The following ACE variants were observed in gnomAD, a reference collection of about 807,000 sequenced individuals.
ACE encodes the protein angiotensin I converting enzyme.
In ACE, 122 loss-of-function variants were observed where a neutral mutation model predicts 162.3. That is an observed-to-expected ratio of 0.75 (90% CI 0.65 to 0.87). The LOEUF is 0.87. Ranked by LOEUF, ACE falls within the 40% of genes least tolerant of loss-of-function variation. ACE has a pLI of 0.00. For missense variants in ACE, 1,799 were observed against 1,735.1 expected (o/e 1.04, Z -0.65); for synonymous variants, 796 against 720.6 (o/e 1.10, Z -1.68).
chr17:63,478,144 C>T (rs1264564349), intron 2 of ACE, 46 bp downstream of exon 2: 1 of 1,550,120 alleles, frequency 6.5e-7, no homozygotes, highest in Non-Finnish European at 8.7e-7. Flanking sequence ...CTCCTAGTGC[C>T]CCATCGTGGG....
intron 4 of ACE, 114 bp from the exon 5 acceptor site, chr17:63,480,223 T>C: frequency 8.4e-7 from 1 of 1,192,100 alleles, no homozygotes; most frequent in Admixed American, 1.9e-5. Flanking sequence ...AAGCCAATTT[T>C]CCAGCTAGCT....
At chr17:63,480,291 T>A (rs761826413) in intron 4 of ACE, 46 bp from the exon 5 acceptor site, 77 of 1,600,176 alleles carry the variant, frequency 4.8e-5, no homozygotes, top group Non-Finnish European at 3.9e-5. Flanking sequence ...GAGGCTGAGG[T>A]CCGAGCCTTT....
At chr17:63,477,848 C>G (rs766058026) in intron 1 of ACE, 83 bp from the exon 2 acceptor site, 3 of 1,526,656 alleles carry the variant, frequency 2.0e-6, no homozygotes, top group Non-Finnish European at 1.8e-6. Flanking sequence ...CCTTCCTCCC[C>G]TCCCCCAGCA....
In ACE at chr17:63,484,388, G is replaced by A. The variant is rs762585402; in HGVS notation, c.1768G>A (p.Gly590Ser). Residue 590 changes from glycine (G) to serine (S), a missense_variant, in exon 12 of 25, where the codon GGC becomes AGC. Gly to Ser is a moderately conservative substitution (Grantham distance 56). Coordinates refer to ENST00000290866, the MANE Select transcript of ACE (RefSeq NM_000789.4). This position sits in a 1 kb window ranked among gnomAD's most constrained non-coding sequence, Gnocchi z 4.0. ...GCAGGAGGTGCTGAAGGACATGGTC[G>A]GCTTAGATGCCCTGGATGCCCAGCC... is the stretch of plus-strand genomic sequence containing the variant. The part of the protein sequence containing the change: ...PWQEVLKDMV[G>S]LDALDAQPLL... 226 of 1,611,866 alleles carry A rather than the reference G, an allele frequency of 1.4e-4. No homozygotes were observed. In the Admixed American group the frequency reaches 1.6e-3, roughly 11 times the overall value.
rs911801546 is a variant in ACE at position 63,483,977 on chromosome 17, T to C, written c.1709+6T>C. 4 of 1,612,380 alleles carry C rather than the reference T, an allele frequency of 2.5e-6. No individual in the cohort carries two copies. The highest frequency in any genetic ancestry group is 3.4e-6 in the Non-Finnish European group (4 of 1,179,402). On this transcript the variant is annotated splice_donor_region_variant and intron_variant, in intron 11 of 24. Transcript: ENST00000290866. ...AAGGCAGGGGCCAAGCTCCGGTGTG[T>C]GGTGGGAAGCCGGGGGAAGTGGGAG... is the stretch of plus-strand genomic sequence containing the variant.
chr17:63,485,083 G>C, intron 12 of ACE, 153 bp from the exon 13 acceptor site: 3 of 1,601,032 alleles, frequency 1.9e-6, no homozygotes, highest in Non-Finnish European at 2.6e-6. Context: ...CCATGCAGGG[G>C]AGGGGCAGGG....
intron 2 of ACE, chr17:63,478,657 C>CGGTGGT: frequency 2.6e-6 from 1 of 384,874 alleles, no homozygotes; most frequent in Non-Finnish European, 5.0e-6. Context: ...AGTGAGACCT[C>CGGTGGT]CCCCCAAAAA....
At chr17:63,481,888 G>C in intron 7 of ACE, 150 bp downstream of exon 7, 2 of 921,802 alleles carry the variant, frequency 2.2e-6, no homozygotes, top group South Asian at 3.0e-5. Context: ...CAGGGCTAGG[G>C]GGTATAGGAG....
chr17:63,497,346 G>T lies in ACE; in HGVS notation c.3901G>T (p.Val1301Leu). 6.5e-7 allele frequency: 1 copy of T among 1,548,544 alleles called. No homozygotes were observed. Among genetic ancestry groups the T allele is most frequent in the South Asian group, 1.2e-5 (1 of 84,016 alleles). Residue 1301 changes from valine to leucine, a missense_variant, in exon 25 of 25, where the codon GTG (valine) becomes TTG (leucine). Physicochemically the swap from Val to Leu is conservative, Grantham distance 32. Coordinates refer to ENST00000290866, the MANE Select transcript of ACE (RefSeq NM_000789.4). ...HSHGPQFGSE[V>L]ELRHS ...CCACGGGCCCCAGTTCGGCTCCGAGGTGGAGCTGAGACACTCCTGAGGTGA... is the reference window on the plus strand; with the variant it reads ...CCACGGGCCCCAGTTCGGCTCCGAGTTGGAGCTGAGACACTCCTGAGGTGA...
At position 63,483,569 on chromosome 17, in the gene ACE, CCCCACCCCA is replaced by C; in HGVS notation, c.1586+20_1586+28del. 1.2e-6 allele frequency: 1 copy of C among 805,666 alleles called. No homozygotes were observed. Among genetic ancestry groups the C allele is most frequent in the Non-Finnish European group, 2.0e-6 (1 of 507,620 alleles). 49.9% of individuals were successfully genotyped at this position (805,666 alleles called of 1,614,324 possible). A position where few individuals can be genotyped will look rare whatever the true frequency, so the allele number is the denominator to read the frequency against. On this transcript the variant is annotated intron_variant, in intron 10 of 24. Transcript: ENST00000290866. ...GACACCATACATCAGGTATTAGCGC[CCCCACCCCA>C]CCCACCCCCAGTACTGTCACACCCT...
At position 63,485,291 on chromosome 17, in the gene ACE, A is replaced by G. The variant is rs1441313370; in HGVS notation, c.1977A>G (p.Thr659=). Residue 659 remains threonine, a synonymous_variant, in exon 13 of 25, where the codon ACA becomes ACG. Transcript: ENST00000290866. Reference sequence around the variant, plus strand: ...AGTTTGTGGAGGAATATGACCGGACATCCCAGGTGGTGTGGAACGAGTATG... The same window carrying G: ...AGTTTGTGGAGGAATATGACCGGACGTCCCAGGTGGTGTGGAACGAGTATG... ...ASKFVEEYDR[T]SQVVWNEYAE... is the part of the protein sequence containing the mutation. The G allele has an allele frequency of 3.7e-6, 6 of 1,614,086 alleles. No homozygotes were observed. Among genetic ancestry groups the G allele is most frequent in the Non-Finnish European group, 5.1e-6 (6 of 1,180,010 alleles).
intron 20 of ACE, 116 bp downstream of exon 20, chr17:63,493,775 G>T: frequency 6.6e-7 from 1 of 1,514,784 alleles, no homozygotes; most frequent in Non-Finnish European, 9.1e-7. Context: ...CAGAGCAATC[G>T]GAAGGAAGGG....
In ACE at chr17:63,482,748, G is replaced by A. The variant is rs2049732179; in HGVS notation, c.1342+59G>A. 21 of 1,545,718 alleles carry A rather than the reference G, an allele frequency of 1.4e-5. No homozygotes were observed. The South Asian group carries it at 2.1e-4, about 16-fold the overall frequency. ...CACCTAAACCCCGCTCCACCCCACA[G>A]CAGGACCTCACTTGCCCCACTCAGC... On this transcript the variant is annotated intron_variant, in intron 8 of 24. Coordinates refer to ENST00000290866, the MANE Select transcript of ACE (RefSeq NM_000789.4).
Position 63,478,811 on chromosome 17 carries a change from G to A in ACE, c.418-196G>A. 14 of 637,404 alleles carry A rather than the reference G, an allele frequency of 2.2e-5. No individual in the cohort carries two copies. The South Asian group carries it at 2.4e-4, about 11-fold the overall frequency. 39.5% of individuals were successfully genotyped at this position (637,404 alleles called of 1,614,324 possible). The stretch of plus-strand genomic sequence containing the variant: ...AGGACTCCTGTCCCCCACTCCACAG[G>A]CTGCCTCCACTGGCAGGGGACTCAG... On this transcript the variant is annotated intron_variant, in intron 2 of 24. Coordinates refer to ENST00000290866, the MANE Select transcript of ACE (RefSeq NM_000789.4).
chr17:63,477,481 G>A, intron 1 of ACE, 138 bp downstream of exon 1: 1 of 639,030 alleles, frequency 1.6e-6, no homozygotes. Context: ...CCGACAGTCA[G>A]CCGCGGGGCC....
intron 4 of ACE, 28 bp from the exon 5 acceptor site, chr17:63,480,309 G>A: frequency 6.2e-7 from 1 of 1,612,468 alleles, no homozygotes; most frequent in Non-Finnish European, 8.5e-7. Flanking sequence ...TTTGGCCTGA[G>A]CTACATACCT....
chr17:63,496,879 G>A lies in ACE; in HGVS notation c.3585G>A (p.Ser1195=), dbSNP rs769941358. 39 of 1,613,566 alleles carry A rather than the reference G, an allele frequency of 2.4e-5. No homozygotes were observed. Among genetic ancestry groups the A allele is most frequent in the South Asian group, 9.9e-5 (9 of 91,090 alleles). Reference sequence around the variant, plus strand: ...CGGGCCAGCCCAACATGAGCGCCTCGGCCATGTTGAGCTACTTCAAGCCGC... The same window carrying A: ...CGGGCCAGCCCAACATGAGCGCCTCAGCCATGTTGAGCTACTTCAAGCCGC... ...LITGQPNMSA[S]AMLSYFKPLL... Residue 1195 remains serine (S), a synonymous_variant, in exon 24 of 25, where the codon TCG becomes TCA. Transcript: ENST00000290866.
At chr17:63,478,553 C>T in intron 2 of ACE, 2 of 316,002 alleles carry the variant, frequency 6.3e-6, no homozygotes, top group South Asian at 6.0e-5. Context: ...GTCCCAGCTA[C>T]TCTTGAAACT....
At chr17:63,481,511 C>T (rs997323047) in intron 6 of ACE, 55 bp from the exon 7 acceptor site, 21 of 1,600,698 alleles carry the variant, frequency 1.3e-5, no homozygotes, top group African/African-American at 1.2e-4. Context: ...CCAGCCCTGT[C>T]CCCAGGCCAG....
Sources: gnomAD v4.1 joint callset for allele counts on GRCh38, gnomAD v4.1.1 for gene constraint, Gnocchi (gnomAD v3.1) non-coding constraint, MANE v1.5 for transcripts, NCBI Gene and HGNC (gene_info 2026-07-23, HGNC 2026-07-21) for gene names.